Variants in ADGB observed in about 807,000 individuals in gnomAD.
ADGB encodes calpain-7-like protein.
In ADGB, 172 loss-of-function variants were observed where a neutral mutation model predicts 210.5. The observed-to-expected ratio is 0.82, with a 90% CI of 0.72 to 0.93. The LOEUF (loss-of-function observed/expected upper bound fraction) is 0.93, where lower values mean the gene tolerates loss of function less well. ADGB is among the 40% of genes least tolerant of loss of function. The probability of loss-of-function intolerance (pLI) is 0.00; values close to 1 mark genes in which losing one functional copy is unlikely to be tolerated. For missense variants in ADGB, 2,025 were observed against 1,964.8 expected (o/e 1.03, Z -0.58); for synonymous variants, 658 against 662.7 (o/e 0.99, Z 0.11).
rs150431088 is a variant in ADGB, at chr6:146,655,243, T to C, written c.402+1037T>C. Among the ~76,000 whole-genome samples the C allele has an allele frequency of 9.5e-4, 145 of 152,278 alleles. 4 individuals carry two copies. The East Asian group carries it at 0.026, about 27-fold the overall frequency. ...AGATCCACATGACCAGCAATGGACA[T>C]GAAGTGGCTGCCCATCCTGCCCTAT... On this transcript the variant is annotated intron_variant, in intron 4 of 35. Coordinates refer to ENST00000397944, the MANE Select transcript of ADGB (RefSeq NM_024694.4).
chr6:146,747,789 T>C (rs897768211), intron 26 of ADGB, among the ~76,000 whole-genome samples: 12 of 149,896 alleles, frequency 8.0e-5, no homozygotes, highest in African/African-American at 2.9e-4. Flanking sequence ...ATGTATTTTT[T>C]TTTTTTTGAG....
At chr6:146,681,675 G>A (rs1393335723) in intron 9 of ADGB, among the ~76,000 whole-genome samples, 1 of 151,982 alleles carries the variant, frequency 6.6e-6, no homozygotes, top group Non-Finnish European at 1.5e-5. Flanking sequence ...TAGATTAGAA[G>A]CCCACTAATA....
Position 146,614,207 on chromosome 6 carries a change from C to T in ADGB, c.74+15093C>T, listed in dbSNP as rs398049086. Among the ~76,000 whole-genome samples, 1,321 of 132,562 alleles carry T rather than the reference C, an allele frequency of 1.0e-2. 19 individuals are homozygous for T. Among genetic ancestry groups the T allele is most frequent in the African/African-American group, 0.031 (1,040 of 34,066 alleles). 87.0% of individuals were successfully genotyped at this position (132,562 alleles called of 152,430 possible). ...TCCCTCCCTCCCTCCCTCCCTTCCT[C>T]CCTTCCTTCCTCCCTTCCTTCCTTC... On this transcript the variant is annotated intron_variant, in intron 1 of 35. Transcript: ENST00000397944.
intron 1 of ADGB, among the ~76,000 whole-genome samples, chr6:146,628,976 C>T (rs1781020440): frequency 6.6e-6 from 1 of 152,100 alleles, no homozygotes; most frequent in Non-Finnish European, 1.5e-5. Context: ...ATCAGAGTTA[C>T]TCACAAAGTT....
chr6:146,730,415 A>G (rs993709915), intron 20 of ADGB, among the ~76,000 whole-genome samples: 3 of 152,162 alleles, frequency 2.0e-5, no homozygotes, highest in African/African-American at 4.8e-5. Flanking sequence ...CACACATACC[A>G]TCAAGATAAG....
intron 33 of ADGB, among the ~76,000 whole-genome samples, chr6:146,796,917 A>G (rs555390411): frequency 6.6e-6 from 1 of 152,356 alleles, no homozygotes; most frequent in African/African-American, 2.4e-5. Flanking sequence ...CAACTCACAG[A>G]GTGGGAGAAA....
At chr6:146,629,763 A>G (rs975407513) in intron 1 of ADGB, among the ~76,000 whole-genome samples, 3 of 152,178 alleles carry the variant, frequency 2.0e-5, no homozygotes, top group African/African-American at 7.2e-5. Flanking sequence ...AATTAATACT[A>G]TGAAAAAAGC....
rs185670813 is a variant in ADGB, at chr6:146,680,424, A to G, written c.1216+3983A>G. ...CTATATCATGTTTAAGTCATTTTTTAGTGTGTTCCTTATAGCAGCTACAAT... is the reference window on the plus strand; with the variant it reads ...CTATATCATGTTTAAGTCATTTTTTGGTGTGTTCCTTATAGCAGCTACAAT... On this transcript the variant is annotated intron_variant, in intron 9 of 35. Coordinates refer to ENST00000397944, the MANE Select transcript of ADGB (RefSeq NM_024694.4). Among the ~76,000 whole-genome samples, 4 of 152,302 alleles carry G rather than the reference A, an allele frequency of 2.6e-5. No homozygotes were observed. The East Asian group carries it at 7.7e-4, about 29-fold the overall frequency.
rs1307198679 is a variant in ADGB at position 146,672,232 on chromosome 6, G to A, written c.852G>A (p.Met284Ile). The A allele has an allele frequency of 1.3e-6, 2 of 1,525,908 alleles. No homozygotes were observed. The highest frequency in any genetic ancestry group is 1.8e-6 in the Non-Finnish European group (2 of 1,135,850). 94.5% of individuals were successfully genotyped at this position (1,525,908 alleles called of 1,614,324 possible). ...PEVISLHPGY[M>I]DKVWELLKEI... Reference sequence around the variant, plus strand: ...TCTTTTCTCTTAGCCCGGGATATATGGACAAAGTTTGGGAGCTCCTGAAAG... The same window carrying A: ...TCTTTTCTCTTAGCCCGGGATATATAGACAAAGTTTGGGAGCTCCTGAAAG... Residue 284 changes from methionine (M) to isoleucine (I), a missense_variant, in exon 8 of 36, where the codon ATG (methionine) becomes ATA (isoleucine). Physicochemically the swap from Met to Ile is conservative, Grantham distance 10 (BLOSUM62 1). Transcript: ENST00000397944.
rs2114575225 is a variant in ADGB at position 146,724,286 on chromosome 6, C to A, written c.2196C>A (p.His732Gln). ...CAGGCAGTCTTGTTCTGAAGATTCA[C>A]ACATATGCTACCAAGGCTACAGTGG... ...LKPGSLVLKI[H>Q]TYATKATVVR... Residue 732 changes from histidine (H) to glutamine (Q), a missense_variant, in exon 18 of 36, where the codon CAC (histidine) becomes CAA (glutamine). His to Gln is a conservative substitution (Grantham distance 24). Coordinates refer to ENST00000397944, the MANE Select transcript of ADGB (RefSeq NM_024694.4). 1 of 1,550,370 alleles carries A rather than the reference C, an allele frequency of 6.5e-7. No individual in the cohort carries two copies.
chr6:146,701,078 T>C lies in ADGB; in HGVS notation c.1707+8T>C, dbSNP rs1390768495. ...ACAAAAGCTACATCTCAGGTGACTA[T>C]GTTACTCTTACTGTTGGCCCAACTC... On this transcript the variant is annotated splice_region_variant and intron_variant, in intron 13 of 35. Transcript: ENST00000397944. The C allele has an allele frequency of 4.5e-6, 7 of 1,549,596 alleles. No homozygotes were observed. The highest frequency in any genetic ancestry group is 4.0e-5 in the Admixed American group (2 of 50,568).
intron 33 of ADGB, among the ~76,000 whole-genome samples, chr6:146,799,903 G>A (rs1201906171): frequency 5.9e-5 from 9 of 151,886 alleles, no homozygotes; most frequent in Non-Finnish European, 1.2e-4. Context: ...TCTGCCGCCC[G>A]GGTTCAAGCG....
intron 13 of ADGB, among the ~76,000 whole-genome samples, chr6:146,709,075 T>C (rs1260228623): frequency 6.6e-6 from 1 of 152,190 alleles, no homozygotes; most frequent in African/African-American, 2.4e-5. Flanking sequence ...TTAAAATAAT[T>C]CCAATCTCTT....
At chr6:146,792,396 C>T (rs901242131) in intron 33 of ADGB, among the ~76,000 whole-genome samples, 1 of 152,130 alleles carries the variant, frequency 6.6e-6, no homozygotes, top group African/African-American at 2.4e-5. Flanking sequence ...CAATTTCTTT[C>T]ATCAATATTT....
At chr6:146,643,074 G>A (rs2114868569) in intron 2 of ADGB, among the ~76,000 whole-genome samples, 1 of 152,020 alleles carries the variant, frequency 6.6e-6, no homozygotes, top group African/African-American at 2.4e-5. Flanking sequence ...TTGCAATAAA[G>A]GAGGGGAAAA....
intron 1 of ADGB, among the ~76,000 whole-genome samples, chr6:146,613,252 G>A (rs1780739161): frequency 2.0e-5 from 3 of 152,136 alleles, no homozygotes; most frequent in Admixed American, 2.0e-4. Flanking sequence ...TGAATCAAAC[G>A]TAACACAGCA....
intron 24 of ADGB, 22 bp from the exon 25 acceptor site, chr6:146,741,096 G>T: frequency 6.7e-7 from 1 of 1,489,156 alleles, no homozygotes; most frequent in Middle Eastern, 2.1e-4. Context: ...TCAAGGGAAA[G>T]TTCATGCTTT....
intron 1 of ADGB, among the ~76,000 whole-genome samples, chr6:146,618,181 A>G (rs529468683): frequency 6.6e-6 from 1 of 151,702 alleles, no homozygotes; most frequent in Non-Finnish European, 1.5e-5. Context: ...ACAGTTGTTC[A>G]TAACAGTCTC....
At chr6:146,701,794 A>T (rs1469884698) in intron 13 of ADGB, among the ~76,000 whole-genome samples, 2 of 152,128 alleles carry the variant, frequency 1.3e-5, no homozygotes, top group Non-Finnish European at 1.5e-5. Flanking sequence ...ATGACTACTA[A>T]GCATAGTTGC....
Sources: gnomAD v4.1 joint callset for allele counts (sites outside exome capture counted in the v4.1 genomes callset) on GRCh38, gnomAD v4.1.1 for gene constraint, MANE v1.5 for transcripts, NCBI Gene and HGNC (gene_info 2026-07-23, HGNC 2026-07-21) for gene names.